Variants in EML1 observed in about 807,000 individuals in gnomAD.
EML1 encodes echinoderm microtubule-associated protein-like 1.
In EML1, 27 loss-of-function variants were observed where a neutral mutation model predicts 110.4. The observed-to-expected ratio is 0.24, with a 90% confidence interval of 0.18 to 0.34. EML1 has a LOEUF of 0.34. EML1 is among the 10% of genes least tolerant of loss of function. The pLI is 1.00. For synonymous variants in EML1, 344 were observed against 385.8 expected, an observed-to-expected ratio of 0.89 and a Z score of 1.27; for missense variants, 741 against 1,030.9, an observed-to-expected ratio of 0.72 and a Z score of 3.85.
At chr14:99,888,387 G>A (rs1377017389) in intron 4 of EML1, among the ~76,000 whole-genome samples, 1 of 152,134 alleles carries the variant, frequency 6.6e-6, no homozygotes, top group African/African-American at 2.4e-5. Flanking sequence ...TCATTTCTGT[G>A]TTCATAGCTT....
At chr14:99,807,175 G>A (rs180706161) in intron 1 of EML1, among the ~76,000 whole-genome samples, 1 of 152,310 alleles carries the variant, frequency 6.6e-6, no homozygotes, top group East Asian at 1.9e-4. Flanking sequence ...TAGCACAAAA[G>A]ATTACGTGCA....
At chr14:99,868,684 T>G (rs1010702049) in intron 3 of EML1, among the ~76,000 whole-genome samples, 1 of 152,172 alleles carries the variant, frequency 6.6e-6, no homozygotes, top group African/African-American at 2.4e-5. Context: ...TTTAGTTATT[T>G]AAATTTTCTG....
At chr14:99,765,344 C>G (rs2057356619) in intron 1 of EML1, among the ~76,000 whole-genome samples, 1 of 152,042 alleles carries the variant, frequency 6.6e-6, no homozygotes, top group Non-Finnish European at 1.5e-5. Context: ...TTCATCTTGC[C>G]AAGCGGAAAC....
At chr14:99,909,582 C>A in intron 11 of EML1, 103 bp downstream of exon 11, 1 of 1,467,264 alleles carries the variant, frequency 6.8e-7, no homozygotes, top group Non-Finnish European at 9.4e-7. Flanking sequence ...CCCTTGGGAT[C>A]CCTCACATAG....
intron 3 of EML1, among the ~76,000 whole-genome samples, chr14:99,872,203 G>A (rs994334553): frequency 1.3e-5 from 2 of 152,140 alleles, no homozygotes; most frequent in African/African-American, 4.8e-5. Context: ...TCCTGGCTAT[G>A]AACAGAGGCC....
Position 99,876,993 on chromosome 14 carries a change from T to C in EML1, c.384-1492T>C, listed in dbSNP as rs567043979. On this transcript the variant is annotated intron_variant, in intron 3 of 21. Coordinates refer to ENST00000262233, the MANE Select transcript of EML1 (RefSeq NM_004434.3). ...GTAGATTTTTAAGTATGTACAGAGATACCTATACTAGAGTTATGTGCTCTG... is the reference window on the plus strand; with the variant it reads ...GTAGATTTTTAAGTATGTACAGAGACACCTATACTAGAGTTATGTGCTCTG... 3.9e-5 allele frequency among the ~76,000 whole-genome samples: 6 copies of C among 152,330 alleles called. No homozygotes were observed. The South Asian group carries it at 1.2e-3, about 32-fold the overall frequency.
chr14:99,921,795 A>G (rs1274482483), intron 17 of EML1, among the ~76,000 whole-genome samples: 2 of 152,208 alleles, frequency 1.3e-5, no homozygotes, highest in Admixed American at 6.5e-5. Flanking sequence ...TGTACAGCTC[A>G]TCGATTCTTT....
At chr14:99,759,044 T>C (rs1388319711) in intron 1 of EML1, among the ~76,000 whole-genome samples, 1 of 152,152 alleles carries the variant, frequency 6.6e-6, no homozygotes, top group Non-Finnish European at 1.5e-5. Flanking sequence ...GCCCCAGCAG[T>C]TGAAAAGCTG....
chr14:99,907,374 A>C, intron 9 of EML1: 1 of 411,772 alleles, frequency 2.4e-6, no homozygotes, highest in Non-Finnish European at 4.3e-6. Flanking sequence ...AGGCTGGGGT[A>C]GGAGGATTGC....
chr14:99,875,741 C>T (rs1242095317), intron 3 of EML1, among the ~76,000 whole-genome samples: 1 of 152,166 alleles, frequency 6.6e-6, no homozygotes, highest in Non-Finnish European at 1.5e-5. Flanking sequence ...GTCAAATTAG[C>T]TTGGTGTTTG....
At chr14:99,846,281 A>ATTT (rs1251744096) in intron 1 of EML1, among the ~76,000 whole-genome samples, 2,787 of 109,954 alleles carry the variant, frequency 0.025, 201 homozygotes, top group African/African-American at 0.088. Flanking sequence ...CCAGCTGGTG[A>ATTT]TTTTTTTTTT....
chr14:99,839,020 A>T (rs1032937499), intron 1 of EML1: 2 of 152,210 alleles, frequency 1.3e-5, no homozygotes, highest in Admixed American at 1.3e-4. Context: ...TGTTGACTTC[A>T]TAACTGTGGT....
chr14:99,919,275 T>G (rs1328390661), intron 16 of EML1, among the ~76,000 whole-genome samples: 1 of 152,220 alleles, frequency 6.6e-6, no homozygotes, highest in African/African-American at 2.4e-5. Flanking sequence ...TAAATTCTGT[T>G]GCTATGACTG....
chr14:99,779,898 C>G (rs2057521553), intron 1 of EML1, among the ~76,000 whole-genome samples: 1 of 152,220 alleles, frequency 6.6e-6, no homozygotes, highest in Admixed American at 6.5e-5. Context: ...GGGGAGGAAT[C>G]TATCTGCTTC....
In EML1 at chr14:99,936,265, A is replaced by G. The variant is rs143172203; in HGVS notation, c.2026A>G (p.Thr676Ala). 6.2e-7 allele frequency: 1 copy of G among 1,613,976 alleles called. No individual in the cohort carries two copies. The highest frequency in any genetic ancestry group is 1.3e-5 in the African/African-American group (1 of 74,918). ...GKCSGHSSFI[T>A]HLDWSVNSQF... ...CTCCCAGGGTCATTCCAGCTTCATT[A>G]CTCACCTGGACTGGTCTGTAAACTC... The change falls in exon 19 of 22, where the codon ACT becomes GCT. Residue 676 changes from threonine to alanine, a missense_variant. Around this residue, in one of 4 missense-constraint regions of EML1, gnomAD observed 388 missense variants for 605.6 expected, o/e 0.64. Coordinates refer to ENST00000262233, the MANE Select transcript of EML1 (RefSeq NM_004434.3). This position sits in a 1 kb window ranked among gnomAD's most constrained non-coding sequence, Gnocchi z 5.5.
At chr14:99,923,968 T>G (rs1312016786) in intron 17 of EML1, among the ~76,000 whole-genome samples, 1 of 152,246 alleles carries the variant, frequency 6.6e-6, no homozygotes, top group African/African-American at 2.4e-5. Flanking sequence ...CGTCAATTTC[T>G]AACTTTGAAA....
chr14:99,835,767 A>G (rs2058530641), intron 1 of EML1, among the ~76,000 whole-genome samples: 1 of 152,210 alleles, frequency 6.6e-6, no homozygotes. Context: ...TGGACATTCA[A>G]TATTTCCAAC....
intron 17 of EML1, among the ~76,000 whole-genome samples, chr14:99,935,175 A>G (rs2060445619): frequency 6.6e-6 from 1 of 152,206 alleles, no homozygotes; most frequent in Admixed American, 6.5e-5. Flanking sequence ...ATTTCATAAA[A>G]TTGTATGAAA....
intron 1 of EML1, among the ~76,000 whole-genome samples, chr14:99,762,825 T>C (rs2057328662): frequency 6.6e-6 from 1 of 152,066 alleles, no homozygotes; most frequent in Non-Finnish European, 1.5e-5. Context: ...AAATAAAAAC[T>C]AGAGACATGG....
Sources: allele counts gnomAD v4.1 joint callset (sites outside exome capture counted in the v4.1 genomes callset), GRCh38; gene constraint gnomAD v4.1.1; regional missense constraint gnomAD v4.1.1; non-coding constraint Gnocchi (gnomAD v3.1); transcripts MANE v1.5; gene names NCBI Gene and HGNC (gene_info 2026-07-23, HGNC 2026-07-21).